The following TERT variants were observed in gnomAD, a reference collection of about 807,000 sequenced individuals.
TERT encodes the protein telomerase reverse transcriptase, also known as telomerase catalytic subunit.
A neutral mutation model predicts 104.0 loss-of-function variants in TERT; 42 were observed. That is an observed-to-expected ratio of 0.40 (90% CI 0.32 to 0.52). TERT has a LOEUF of 0.52. TERT is among the 20% of genes least tolerant of loss of function. The pLI, the probability that TERT is intolerant of heterozygous loss-of-function variation, is 0.43. For synonymous variants in TERT, 781 were observed against 725.6 expected, an observed-to-expected ratio of 1.08 and a Z score of -1.23; for missense variants, 1,101 against 1,610.3, an observed-to-expected ratio of 0.68 and a Z score of 5.41.
At chr5:1,267,802 G>C (rs1268120604) in intron 9 of TERT, among the ~76,000 whole-genome samples, 1 of 152,152 alleles carries the variant, frequency 6.6e-6, no homozygotes, top group Non-Finnish European at 1.5e-5. Context: ...CTTGGACACA[G>C]GGTGGGGAAC....
In TERT at chr5:1,268,507, G is replaced by T; in HGVS notation, c.2582+13C>A. ...CCCCCACCCAAGCCCCCCTGGGGAAGAGGAGGCCTCACCCGTCCCGCCGAA... is the reference window on the plus strand; with the variant it reads ...CCCCCACCCAAGCCCCCCTGGGGAATAGGAGGCCTCACCCGTCCCGCCGAA... On this transcript the variant is annotated intron_variant, in intron 9 of 15. Transcript: ENST00000310581. The surrounding 1 kb of genome is among the most constrained non-coding windows in gnomAD (Gnocchi z 5.5). 1 of 1,608,318 alleles carries T rather than the reference G, an allele frequency of 6.2e-7. No individual in the cohort carries two copies.
intron 6 of TERT, among the ~76,000 whole-genome samples, chr5:1,277,556 C>T (rs539431080): frequency 5.0e-4 from 70 of 140,164 alleles, no homozygotes; most frequent in Admixed American, 3.5e-3. Context: ...AGGTCGAGGT[C>T]GGAACGAGGG....
In TERT at chr5:1,280,198, T is replaced by G. The variant is rs1749923627; in HGVS notation, c.1910A>C (p.Asp637Ala). The G allele has an allele frequency of 1.2e-6, 2 of 1,614,078 alleles. No homozygotes were observed. The highest frequency in any genetic ancestry group is 1.7e-6 in the Non-Finnish European group (2 of 1,180,042). The change falls in exon 4 of 16, where the codon GAC becomes GCC. Residue 637 changes from aspartate to alanine, a missense_variant. Around this residue, in one of 5 missense-constraint regions of TERT, gnomAD observed 463 missense variants for 797.5 expected, o/e 0.58. Transcript: ENST00000310581. ...GAACGTTCTGGCTCCCACGACGTAG[T>G]CCATGTTCACAATCGGCCGCAGCCC... Reference protein sequence around the residue: ...PDGLRPIVNMDYVVGARTFRR... With the variant: ...PDGLRPIVNMAYVVGARTFRR...
chr5:1,278,498 C>T (rs114831494), intron 6 of TERT, 143 bp downstream of exon 6: 24 of 1,204,056 alleles, frequency 2.0e-5, no homozygotes, highest in East Asian at 9.3e-5. Flanking sequence ...ACGACACACA[C>T]GTGCCACACA....
At chr5:1,285,801 C>A (rs1390648982) in intron 2 of TERT, among the ~76,000 whole-genome samples, 1 of 151,966 alleles carries the variant, frequency 6.6e-6, no homozygotes, top group Admixed American at 6.6e-5. Flanking sequence ...ACCTCCTGAC[C>A]TCGTGATCCA....
chr5:1,261,415 G>A lies in TERT; in HGVS notation c.2844-815C>T, dbSNP rs886847394. Among the ~76,000 whole-genome samples, 1 of 152,188 alleles carries A rather than the reference G, an allele frequency of 6.6e-6. No individual in the cohort carries two copies. The highest frequency in any genetic ancestry group is 2.4e-5 in the African/African-American group (1 of 41,448). On this transcript the variant is annotated intron_variant, in intron 11 of 15. Coordinates refer to ENST00000310581, the MANE Select transcript of TERT (RefSeq NM_198253.3). The surrounding 1 kb of genome is among the most constrained non-coding windows in gnomAD (Gnocchi z 7.4). ...CCCCCTGCCTGGAACACTGGAAATG[G>A]TAAATAAGACCCGTGATAATGTCTG...
chr5:1,259,658 C>T (rs1183814725), intron 12 of TERT, among the ~76,000 whole-genome samples: 3 of 130,432 alleles, frequency 2.3e-5, no homozygotes, highest in African/African-American at 6.0e-5. Context: ...GGAGTGGACG[C>T]AGATGCCCAC....
In TERT at chr5:1,293,324, C is replaced by T. The variant is rs1060503002; in HGVS notation, c.1562G>A (p.Arg521His). 8 of 1,612,910 alleles carry T rather than the reference C, an allele frequency of 5.0e-6. No individual in the cohort carries two copies. Among genetic ancestry groups the T allele is most frequent in the East Asian group, 2.2e-5 (1 of 44,894 alleles). Residue 521 changes from arginine to histidine, a missense_variant, in exon 2 of 16, where the codon CGC becomes CAC. By Grantham distance (29) the Arg-to-His change is conservative. Coordinates refer to ENST00000310581, the MANE Select transcript of TERT (RefSeq NM_198253.3). ...KMSVRDCAWL[R>H]RSPGVGCVPA... The stretch of plus-strand genomic sequence containing the variant: ...CACCACCTCCTCACCTGGGCTCCTG[C>T]GCAGCCAAGCGCAGTCCCGCACGCT...
At chr5:1,291,690 G>A (rs1750993969) in intron 2 of TERT, among the ~76,000 whole-genome samples, 1 of 148,396 alleles carries the variant, frequency 6.7e-6, no homozygotes, top group African/African-American at 2.5e-5. Flanking sequence ...CGGGGGCCGC[G>A]CCTCACTCAC....
rs1019674188 is a variant in TERT at position 1,287,791 on chromosome 5, T to C, written c.1574-5167A>G. 6.6e-6 allele frequency among the ~76,000 whole-genome samples: 1 copy of C among 151,890 alleles called. No individual in the cohort carries two copies. The highest frequency in any genetic ancestry group is 2.4e-5 in the African/African-American group (1 of 41,330). On this transcript the variant is annotated intron_variant, in intron 2 of 15. Coordinates refer to ENST00000310581, the MANE Select transcript of TERT (RefSeq NM_198253.3). This position sits in a 1 kb window ranked among gnomAD's most constrained non-coding sequence, Gnocchi z 4.3. Reference sequence around the variant, plus strand: ...GGCCTCCTTCTTGGAATTTCATGCATCTAGAAGGAGACAGAAGCTTTGCAC... The same window carrying C: ...GGCCTCCTTCTTGGAATTTCATGCACCTAGAAGGAGACAGAAGCTTTGCAC...
rs1749824369 is a variant in TERT at position 1,279,122 on chromosome 5, AG to A, written c.2130+168del. Among the ~76,000 whole-genome samples, 4 of 152,310 alleles carry A rather than the reference AG, an allele frequency of 2.6e-5. No individual in the cohort carries two copies. In the South Asian group the frequency reaches 8.3e-4, roughly 32 times the overall value. ...CAGTCGGCCCCATGTGCTGCAGGAA[AG>A]GCTGAAGGCCTCCACCCTAGGTGCC... On this transcript the variant is annotated intron_variant, in intron 5 of 15. Transcript: ENST00000310581.
Position 1,264,394 on chromosome 5 carries a change from G to A in TERT, c.2843+10C>T. The A allele has an allele frequency of 1.2e-6, 2 of 1,609,056 alleles. No individual in the cohort carries two copies. Among genetic ancestry groups the A allele is most frequent in the Non-Finnish European group, 1.7e-6 (2 of 1,178,710 alleles). On this transcript the variant is annotated intron_variant, in intron 11 of 15. Coordinates refer to ENST00000310581, the MANE Select transcript of TERT (RefSeq NM_198253.3). ...GGGCACAGGCTCCACTTCCGGCCAG[G>A]TGCGCTCACCTGGAGTAGTCGCTCT...
intron 6 of TERT, 138 bp from the exon 7 acceptor site, chr5:1,272,418 G>T: frequency 1.2e-6 from 1 of 847,116 alleles, no homozygotes. Context: ...CGCCTGGGAA[G>T]CTTCTGTTTG....
At chr5:1,259,473 G>A (rs1186297361) in intron 12 of TERT, among the ~76,000 whole-genome samples, 1 of 140,926 alleles carries the variant, frequency 7.1e-6, no homozygotes, top group African/African-American at 2.7e-5. Context: ...CACAGGAGAG[G>A]GAGTGGACGC....
At chr5:1,293,189 A>C in intron 2 of TERT, 124 bp downstream of exon 2, 1 of 1,232,246 alleles carries the variant, frequency 8.1e-7, no homozygotes, top group Non-Finnish European at 1.1e-6. Context: ...GTCCTGAGCG[A>C]AAAGCCACGT....
chr5:1,275,165 A>G (rs1405998954), intron 6 of TERT, among the ~76,000 whole-genome samples: 2 of 152,186 alleles, frequency 1.3e-5, no homozygotes, highest in Non-Finnish European at 2.9e-5. Context: ...ACCTGAGGTC[A>G]GGAGTTCGAG....
intron 10 of TERT, 53 bp downstream of exon 10, chr5:1,266,411 T>G: frequency 6.7e-7 from 1 of 1,501,864 alleles, no homozygotes; most frequent in Non-Finnish European, 9.2e-7. Flanking sequence ...GGGGCTCAAC[T>G]GCAAAGCCCA....
At chr5:1,253,959 G>C (rs1014650243) in intron 15 of TERT, 128 bp from the exon 16 acceptor site, 4 of 1,026,894 alleles carry the variant, frequency 3.9e-6, no homozygotes, top group Non-Finnish European at 4.4e-6. Context: ...GGGAACCTCA[G>C]TGAAGGGACA....
At position 1,262,490 on chromosome 5, in the gene TERT, G is replaced by A. The variant is rs946345590; in HGVS notation, c.2844-1890C>T. On this transcript the variant is annotated intron_variant, in intron 11 of 15. Transcript: ENST00000310581. The surrounding 1 kb of genome is among the most constrained non-coding windows in gnomAD (Gnocchi z 5.6). ...TTTTGCCTGTTTTCTTCTCCCAGAT[G>A]CCCTTCAAGCCTCTGCTGTATACTT... 6.6e-6 allele frequency among the ~76,000 whole-genome samples: 1 copy of A among 152,152 alleles called. No individual in the cohort carries two copies. The highest frequency in any genetic ancestry group is 1.5e-5 in the Non-Finnish European group (1 of 68,042).
Sources: gnomAD v4.1 joint callset for allele counts (sites outside exome capture counted in the v4.1 genomes callset) on GRCh38, gnomAD v4.1.1 for gene constraint, gnomAD v4.1.1 regional missense constraint, Gnocchi (gnomAD v3.1) non-coding constraint, MANE v1.5 for transcripts, NCBI Gene and HGNC (gene_info 2026-07-23, HGNC 2026-07-21) for gene names.